The following DISC1 variants were observed in gnomAD, a reference collection of about 807,000 sequenced individuals.
DISC1 encodes disrupted in schizophrenia 1 protein.
In DISC1, 57 loss-of-function variants were observed where a neutral mutation model predicts 84.5. The ratio of observed to expected loss-of-function variants is 0.67; its 90% CI spans 0.55 to 0.84. DISC1 has a LOEUF of 0.84. Ranked by LOEUF, DISC1 falls within the 40% of genes least tolerant of loss-of-function variation. The pLI is 0.00. For missense variants in DISC1, 1,000 were observed against 1,057.8 expected, an observed-to-expected ratio of 0.95 and a Z score of 0.76; for synonymous variants, 411 against 415.2, an observed-to-expected ratio of 0.99 and a Z score of 0.12.
At chr1:231,888,142 A>G (rs1270753009) in intron 9 of DISC1, among the ~76,000 whole-genome samples, 1 of 152,202 alleles carries the variant, frequency 6.6e-6, no homozygotes, top group Non-Finnish European at 1.5e-5. Flanking sequence ...CCCTAAAAAT[A>G]GTTACTTGTG....
chr1:231,870,847 T>TA (rs1477924395), intron 9 of DISC1, among the ~76,000 whole-genome samples: 1 of 152,256 alleles, frequency 6.6e-6, no homozygotes, highest in Admixed American at 6.5e-5. Flanking sequence ...TGACTTAATT[T>TA]AAAAAGTAAT....
At chr1:231,660,646 G>C (rs2061497292) in intron 1 of DISC1, among the ~76,000 whole-genome samples, 1 of 151,990 alleles carries the variant, frequency 6.6e-6, no homozygotes. Context: ...GTAGAGATGG[G>C]GTTTCACCAT....
chr1:231,892,737 A>G (rs2087339866), intron 9 of DISC1, among the ~76,000 whole-genome samples: 1 of 152,210 alleles, frequency 6.6e-6, no homozygotes, highest in Non-Finnish European at 1.5e-5. Flanking sequence ...ATAGACAAAC[A>G]TAGAAGAAAA....
Position 231,693,998 on chromosome 1 carries a change from G to A in DISC1, c.240G>A (p.Glu80=), listed in dbSNP as rs2065352815. The change falls in exon 2 of 13, where the codon GAG becomes GAA. Residue 80 remains glutamate, a synonymous_variant. Transcript: ENST00000439617. ...CTGGCGAGGAGTCCCACCACTCGGA[G>A]TCCAGGGCCAGACAGTGTGGCCTTG... ...GVSGEESHHS[E]SRARQCGLDS... 6.2e-7 allele frequency: 1 copy of A among 1,614,124 alleles called. No homozygotes were observed. The highest frequency in any genetic ancestry group is 1.1e-5 in the South Asian group (1 of 91,072).
chr1:231,952,090 C>CAAAAAAAAAAAAAAAAAA (rs11392611), intron 9 of DISC1, among the ~76,000 whole-genome samples: 2 of 54,244 alleles, frequency 3.7e-5, no homozygotes, highest in African/African-American at 5.9e-5. Context: ...CTCAATGTCT[C>CAAAAAAAAAAAAAAAAAA]AAAAAAAAAA....
At chr1:231,680,605 A>G (rs1447039145) in intron 1 of DISC1, among the ~76,000 whole-genome samples, 4 of 152,194 alleles carry the variant, frequency 2.6e-5, no homozygotes, top group African/African-American at 7.2e-5. Context: ...AACATTTGCA[A>G]TTTTATAATG....
rs116801672 is a variant in DISC1, at chr1:231,627,750, C to T, written c.67+816C>T. Among the ~76,000 whole-genome samples the T allele has an allele frequency of 8.1e-3, 1,236 of 152,364 alleles. 18 individuals are homozygous for T. Among genetic ancestry groups the T allele is most frequent in the African/African-American group, 0.027 (1,119 of 41,586 alleles). ...GACAGGGCTGGGTCAGTCGCTTAAC[C>T]TCTCAGAGCCTCAGTCTCCTGAAAT... On this transcript the variant is annotated intron_variant, in intron 1 of 12. Coordinates refer to ENST00000439617, the MANE Select transcript of DISC1 (RefSeq NM_018662.3).
intron 1 of DISC1, among the ~76,000 whole-genome samples, chr1:231,692,892 T>C (rs1431867707): frequency 2.0e-5 from 3 of 152,244 alleles, no homozygotes; most frequent in African/African-American, 7.2e-5. Flanking sequence ...ATGAAATTAA[T>C]GTAAATTAAA....
intron 3 of DISC1, among the ~76,000 whole-genome samples, chr1:231,726,517 G>C (rs1272862802): frequency 1.3e-5 from 2 of 152,170 alleles, no homozygotes; most frequent in Admixed American, 1.3e-4. Flanking sequence ...GGGAAATTCA[G>C]TCTATCTCCC....
chr1:231,808,176 G>C (rs1282311866), intron 8 of DISC1, among the ~76,000 whole-genome samples: 1 of 152,122 alleles, frequency 6.6e-6, no homozygotes, highest in Non-Finnish European at 1.5e-5. Flanking sequence ...AAATTCCTTC[G>C]GTCAGAATCT....
chr1:231,673,830 CATT>C (rs1013879644), intron 1 of DISC1, among the ~76,000 whole-genome samples: 2 of 152,156 alleles, frequency 1.3e-5, no homozygotes, highest in African/African-American at 4.8e-5. Context: ...CAACAAACAT[CATT>C]GAGTAATTAT....
intron 1 of DISC1, among the ~76,000 whole-genome samples, chr1:231,663,499 T>C (rs2061731328): frequency 6.6e-6 from 1 of 152,182 alleles, no homozygotes; most frequent in South Asian, 2.1e-4. Context: ...TCCCTTGTAC[T>C]TTATGTGAAT....
intron 1 of DISC1, among the ~76,000 whole-genome samples, chr1:231,637,584 G>A (rs2059306986): frequency 6.6e-6 from 1 of 151,544 alleles, no homozygotes; most frequent in Non-Finnish European, 1.5e-5. Context: ...TTGTAGGTGA[G>A]ACCATGTGAT....
intron 3 of DISC1, among the ~76,000 whole-genome samples, chr1:231,717,417 A>G (rs1232196770): frequency 1.3e-5 from 2 of 152,114 alleles, no homozygotes; most frequent in Admixed American, 6.5e-5. Context: ...CTGATTGTGT[A>G]TGATCTGGAG....
chr1:231,848,756 G>A (rs2083643533), intron 9 of DISC1, among the ~76,000 whole-genome samples: 1 of 152,170 alleles, frequency 6.6e-6, no homozygotes, highest in Admixed American at 6.5e-5. Context: ...GTGAATTGGA[G>A]ATGGGTGTTA....
At chr1:231,974,958 G>C (rs938685649) in intron 10 of DISC1, among the ~76,000 whole-genome samples, 4 of 152,066 alleles carry the variant, frequency 2.6e-5, no homozygotes, top group African/African-American at 9.7e-5. Context: ...AAATTAGCTG[G>C]GCGTGGTGGC....
At chr1:231,809,094 G>T (rs1375177661) in intron 8 of DISC1, among the ~76,000 whole-genome samples, 1 of 152,206 alleles carries the variant, frequency 6.6e-6, no homozygotes, top group Non-Finnish European at 1.5e-5. Flanking sequence ...CCTGTTTAAA[G>T]GAAGCAATGG....
At chr1:231,868,411 A>G (rs893100914) in intron 9 of DISC1, among the ~76,000 whole-genome samples, 5 of 151,928 alleles carry the variant, frequency 3.3e-5, no homozygotes, top group Admixed American at 3.3e-4. Flanking sequence ...CTTCAAGGCC[A>G]TTGTCATGGA....
intron 4 of DISC1, among the ~76,000 whole-genome samples, chr1:231,752,984 G>A (rs1156787782): frequency 6.6e-6 from 1 of 152,184 alleles, no homozygotes; most frequent in African/African-American, 2.4e-5. Flanking sequence ...CATAACCTTG[G>A]GCAGCCCTGC....
Sources: gnomAD v4.1 joint callset for allele counts (sites outside exome capture counted in the v4.1 genomes callset) on GRCh38, gnomAD v4.1.1 for gene constraint, MANE v1.5 for transcripts, NCBI Gene and HGNC (gene_info 2026-07-23, HGNC 2026-07-21) for gene names.